CACNA1C: variants seen among roughly 807,000 people sequenced by gnomAD.
CACNA1C encodes the protein calcium voltage-gated channel subunit alpha1 C, also known as voltage-dependent L-type calcium channel subunit alpha-1C.
CACNA1C carries 30 observed loss-of-function variants against 229.0 expected under a neutral mutation model. That is an observed-to-expected ratio of 0.13 (90% CI 0.10 to 0.18). The LOEUF is 0.18. Ranked by LOEUF, CACNA1C falls within the 10% of genes least tolerant of loss-of-function variation. CACNA1C has a pLI of 1.00. For missense variants in CACNA1C, 1,658 were observed against 2,845.0 expected (o/e 0.58, Z 9.49); for synonymous variants, 1,114 against 1,132.5 (o/e 0.98, Z 0.33).
intron 3 of CACNA1C, among the ~76,000 whole-genome samples, chr12:2,296,384 A>G (rs998965265): frequency 1.3e-5 from 2 of 152,220 alleles, no homozygotes; most frequent in Admixed American, 6.5e-5. Context: ...CAACAAAGAC[A>G]TCTGATATTT....
chr12:2,106,092 C>G (rs1288862636), intron 1 of CACNA1C, among the ~76,000 whole-genome samples: 3 of 49,174 alleles, frequency 6.1e-5, no homozygotes, highest in Non-Finnish European at 1.4e-4. Flanking sequence ...GCTGGGCGTC[C>G]TGAAGCCACT....
At chr12:2,225,552 A>AC (rs1335112598) in intron 3 of CACNA1C, among the ~76,000 whole-genome samples, 1 of 152,206 alleles carries the variant, frequency 6.6e-6, no homozygotes, top group Non-Finnish European at 1.5e-5. Flanking sequence ...GCCCCCTGGA[A>AC]CCTGAGCAAG....
At chr12:2,435,015 G>T (rs2099120761) in intron 3 of CACNA1C, among the ~76,000 whole-genome samples, 1 of 152,230 alleles carries the variant, frequency 6.6e-6, no homozygotes, top group East Asian at 1.9e-4. Context: ...AACATCCTGG[G>T]TAGGGAGTGT....
chr12:2,478,686 T>C (rs940594876), intron 5 of CACNA1C, among the ~76,000 whole-genome samples: 1 of 152,314 alleles, frequency 6.6e-6, no homozygotes, highest in Non-Finnish European at 1.5e-5. Flanking sequence ...CATCCTCTCT[T>C]TAAGATGAGG....
intron 3 of CACNA1C, among the ~76,000 whole-genome samples, chr12:2,194,519 T>A (rs924604179): frequency 6.6e-6 from 1 of 152,144 alleles, no homozygotes; most frequent in Non-Finnish European, 1.5e-5. Flanking sequence ...TTCTTTCTCT[T>A]GGATATTTTC....
chr12:1,982,634 G>T (rs1168470960), intron 1 of CACNA1C, among the ~76,000 whole-genome samples: 1 of 152,014 alleles, frequency 6.6e-6, no homozygotes, highest in African/African-American at 2.4e-5. Context: ...GGATGTTTGG[G>T]TTATTCCCAC....
rs775371032 is a variant in CACNA1C, at chr12:2,354,340, C to T, written c.478-94636C>T. On this transcript the variant is annotated intron_variant, in intron 3 of 46. Coordinates refer to ENST00000399655, the MANE Select transcript of CACNA1C (RefSeq NM_000719.7). This position sits in a 1 kb window ranked among gnomAD's most constrained non-coding sequence, Gnocchi z 4.6. The stretch of plus-strand genomic sequence containing the variant: ...CGCACACAGCTTGTGTTTCCTCTGG[C>T]GCCTCTAGGTCGCTCTGCAGCCACC... Among the ~76,000 whole-genome samples the T allele has an allele frequency of 6.6e-5, 10 of 152,096 alleles. No homozygotes were observed. Among genetic ancestry groups the T allele is most frequent in the Non-Finnish European group, 1.0e-4 (7 of 68,020 alleles).
chr12:2,517,246 T>G (rs1236266613), intron 9 of CACNA1C, among the ~76,000 whole-genome samples: 1 of 152,260 alleles, frequency 6.6e-6, no homozygotes, highest in Admixed American at 6.5e-5. Flanking sequence ...AGCGTTGCTC[T>G]GCAGGCTTCT....
intron 3 of CACNA1C, chr12:2,269,636 C>CG (rs1338653258): frequency 6.6e-6 from 1 of 152,116 alleles, no homozygotes; most frequent in Non-Finnish European, 1.5e-5. Flanking sequence ...TCCTTGACTA[C>CG]GGACAAAGAA....
intron 42 of CACNA1C, chr12:2,682,070 TG>T: frequency 6.3e-6 from 9 of 1,430,234 alleles, no homozygotes; most frequent in Non-Finnish European, 8.9e-6. Context: ...GCTTCCTCTC[TG>T]TGCCTTTACC....
intron 3 of CACNA1C, among the ~76,000 whole-genome samples, chr12:2,156,487 C>A (rs1469166665): frequency 6.6e-6 from 1 of 152,200 alleles, no homozygotes; most frequent in African/African-American, 2.4e-5. Flanking sequence ...TTTATTTGTT[C>A]ATTTTTTTGT....
At chr12:2,048,859 G>T (rs888738841), upstream of CACNA1C, among the ~76,000 whole-genome samples, 1 of 152,192 alleles carries the variant, frequency 6.6e-6, no homozygotes, top group Admixed American at 6.5e-5. Flanking sequence ...CAGGGAAGAA[G>T]AAGAAGAAGA....
intron 5 of CACNA1C, among the ~76,000 whole-genome samples, chr12:2,482,387 C>G (rs4765947): frequency 0.31 from 46,945 of 151,968 alleles, 8,360 homozygotes; most frequent in East Asian, 0.74. Flanking sequence ...GGGCTAGGAG[C>G]CAGACCACCT....
intron 1 of CACNA1C, among the ~76,000 whole-genome samples, chr12:2,073,348 G>A (rs987288195): frequency 2.0e-5 from 3 of 152,216 alleles, no homozygotes; most frequent in African/African-American, 7.2e-5. Flanking sequence ...TTCCATTGCT[G>A]TGGAACATTC....
intron 1 of CACNA1C, among the ~76,000 whole-genome samples, chr12:2,022,998 C>G (rs1027848807): frequency 2.6e-5 from 4 of 152,108 alleles, no homozygotes; most frequent in African/African-American, 9.7e-5. Flanking sequence ...CTGAGAAGGG[C>G]TCTGAGCCTG....
intron 12 of CACNA1C, among the ~76,000 whole-genome samples, chr12:2,567,280 G>A (rs1248869808): frequency 6.6e-6 from 1 of 152,160 alleles, no homozygotes; most frequent in Non-Finnish European, 1.5e-5. Flanking sequence ...TCTGAAAATG[G>A]GCATGACGAT....
rs766386859 is a variant in CACNA1C at position 2,680,565 on chromosome 12, C to G, written c.5444+769C>G. ...GCTCCCAGCAGGCTGCACAGCCCCC[C>G]AGCATGCCAGGTTCTTGACATGCTC... On this transcript the variant is annotated intron_variant, in intron 42 of 46. Coordinates refer to ENST00000399655, the MANE Select transcript of CACNA1C (RefSeq NM_000719.7). 8.9e-6 allele frequency: 14 copies of G among 1,564,638 alleles called. No homozygotes were observed. The Admixed American group carries it at 2.6e-4, about 29-fold the overall frequency.
chr12:2,415,631 G>C (rs929818967), intron 3 of CACNA1C, among the ~76,000 whole-genome samples: 4 of 152,176 alleles, frequency 2.6e-5, no homozygotes, highest in Non-Finnish European at 2.9e-5. Context: ...GTCAAGCAGA[G>C]GCCCTGGGGA....
chr12:2,047,459 T>A (rs565684374), intron 1 of CACNA1C, among the ~76,000 whole-genome samples: 1 of 152,220 alleles, frequency 6.6e-6, no homozygotes, highest in South Asian at 2.1e-4. Context: ...CACATGCCCA[T>A]AGCTCATAGC....
Sources: gnomAD v4.1 joint callset for allele counts (sites outside exome capture counted in the v4.1 genomes callset) on GRCh38, gnomAD v4.1.1 for gene constraint, Gnocchi (gnomAD v3.1) non-coding constraint, MANE v1.5 for transcripts, NCBI Gene and HGNC (gene_info 2026-07-23, HGNC 2026-07-21) for gene names.